NDUFAF6: variants seen among roughly 807,000 people sequenced by gnomAD.
NDUFAF6 encodes NADH:ubiquinone oxidoreductase complex assembly factor 6.
A neutral mutation model predicts 40.8 loss-of-function variants in NDUFAF6; 45 were observed. The ratio of observed to expected loss-of-function variants is 1.10; its 90% CI spans 0.87 to 1.42. The LOEUF (loss-of-function observed/expected upper bound fraction) is 1.42, where lower values mean the gene tolerates loss of function less well. Among genes scored for constraint, NDUFAF6 ranks in the 40% most tolerant of loss-of-function variants. NDUFAF6 has a pLI of 0.00. For synonymous variants in NDUFAF6, 185 were observed against 155.9 expected (o/e 1.19, Z -1.39); for missense variants, 435 against 418.5 (o/e 1.04, Z -0.34).
intron 2 of NDUFAF6, among the ~76,000 whole-genome samples, chr8:95,012,107 AATC>A (rs1220875717): frequency 6.6e-6 from 1 of 152,212 alleles, no homozygotes; most frequent in Non-Finnish European, 1.5e-5. Flanking sequence ...CTGGCCTGAA[AATC>A]ATCAATCTTT....
At chr8:95,043,728 C>T (rs1008410327) in intron 4 of NDUFAF6, among the ~76,000 whole-genome samples, 6 of 152,106 alleles carry the variant, frequency 3.9e-5, no homozygotes, top group East Asian at 3.9e-4. Flanking sequence ...AAAAGATGCA[C>T]GATAACAAGT....
intron 2 of NDUFAF6, among the ~76,000 whole-genome samples, chr8:95,083,930 A>G (rs1199202543): frequency 6.6e-6 from 1 of 152,204 alleles, no homozygotes; most frequent in African/African-American, 2.4e-5. Context: ...ATGTTTTCCC[A>G]TCCAAAATCA....
intron 1 of NDUFAF6, among the ~76,000 whole-genome samples, chr8:94,962,304 A>AT (rs1563751625): frequency 1.3e-5 from 2 of 152,130 alleles, no homozygotes; most frequent in African/African-American, 4.8e-5. Context: ...ACTGCTTTTT[A>AT]TTTTTTGAGA....
intron 2 of NDUFAF6, among the ~76,000 whole-genome samples, chr8:95,008,310 T>G (rs1009423513): frequency 6.6e-6 from 1 of 152,192 alleles, no homozygotes; most frequent in African/African-American, 2.4e-5. Flanking sequence ...CTCTGAATAA[T>G]CCCAGCTTGG....
chr8:95,109,134 G>A (rs1809923735), intron 4 of NDUFAF6, among the ~76,000 whole-genome samples: 1 of 152,060 alleles, frequency 6.6e-6, no homozygotes, highest in Non-Finnish European at 1.5e-5. Flanking sequence ...GCTCTTTCAG[G>A]ATAACAAACA....
chr8:94,900,189 T>C (rs1817924911), intron 1 of NDUFAF6, among the ~76,000 whole-genome samples: 1 of 151,816 alleles, frequency 6.6e-6, no homozygotes, highest in African/African-American at 2.4e-5. Context: ...GGGCTGTCTC[T>C]TTCAGGGCTG....
intron 2 of NDUFAF6, among the ~76,000 whole-genome samples, chr8:95,018,498 G>A (rs931041458): frequency 6.6e-6 from 1 of 151,966 alleles, no homozygotes; most frequent in Admixed American, 6.6e-5. Context: ...TATAAAGCCA[G>A]GGGATAAATA....
chr8:94,977,408 A>G (rs1825052587), intron 1 of NDUFAF6, among the ~76,000 whole-genome samples: 1 of 151,480 alleles, frequency 6.6e-6, no homozygotes, highest in Non-Finnish European at 1.5e-5. Context: ...TAGTACTCAT[A>G]GTACTCAGGT....
intron 1 of NDUFAF6, among the ~76,000 whole-genome samples, chr8:94,971,327 G>A (rs1032594502): frequency 1.3e-5 from 2 of 151,366 alleles, no homozygotes. Flanking sequence ...GTAGCTAATA[G>A]AATTCATAGA....
intron 1 of NDUFAF6, among the ~76,000 whole-genome samples, chr8:94,978,539 G>C (rs1825156219): frequency 1.3e-5 from 2 of 152,000 alleles, no homozygotes; most frequent in South Asian, 4.1e-4. Flanking sequence ...AACACAGTGA[G>C]ACCCCATCTC....
chr8:94,948,413 G>GT (rs542806391), intron 2 of NDUFAF6, among the ~76,000 whole-genome samples: 157 of 152,328 alleles, frequency 1.0e-3, no homozygotes, highest in African/African-American at 3.6e-3. Context: ...CTCAGTAAGC[G>GT]TGAGCGATCC....
intron 7 of NDUFAF6, among the ~76,000 whole-genome samples, chr8:95,049,085 A>C (rs1282649395): frequency 6.6e-6 from 1 of 152,034 alleles, no homozygotes; most frequent in Admixed American, 6.6e-5. Flanking sequence ...GGCCCTTTCC[A>C]CCTTGGCACT....
At chr8:95,107,357 T>C (rs1018935125), downstream of NDUFAF6, among the ~76,000 whole-genome samples, 6 of 152,090 alleles carry the variant, frequency 3.9e-5, no homozygotes, top group Admixed American at 1.3e-4. Flanking sequence ...AAACCATCAT[T>C]CTCAGCAAGC....
chr8:95,053,423 T>A (rs1831671556), intron 8 of NDUFAF6, among the ~76,000 whole-genome samples: 1 of 152,154 alleles, frequency 6.6e-6, no homozygotes, highest in Admixed American at 6.5e-5. Context: ...ACATACTAAG[T>A]AAGCTTCGTA....
At chr8:95,045,418 T>A (rs1281864836) in intron 4 of NDUFAF6, 127 bp from the exon 5 acceptor site, 1 of 685,254 alleles carries the variant, frequency 1.5e-6, no homozygotes, top group East Asian at 2.7e-5. Context: ...TTTATCTTAT[T>A]GTGTACTAAA....
chr8:94,971,927 G>GAA (rs1226774601), intron 1 of NDUFAF6, among the ~76,000 whole-genome samples: 1 of 141,692 alleles, frequency 7.1e-6, no homozygotes, highest in Admixed American at 7.0e-5. Flanking sequence ...AACAAGAGCG[G>GAA]AAAAAAAAAA....
chr8:94,978,856 C>A (rs1396917864), intron 1 of NDUFAF6, among the ~76,000 whole-genome samples: 2 of 152,188 alleles, frequency 1.3e-5, no homozygotes, highest in African/African-American at 4.8e-5. Context: ...TCACTACCTG[C>A]AGTTGGCATC....
At chr8:95,036,239 T>A in intron 3 of NDUFAF6, 1 of 1,186,496 alleles carries the variant, frequency 8.4e-7, no homozygotes, top group Non-Finnish European at 1.1e-6. Flanking sequence ...TATTCTAAAC[T>A]ATGAGAGGAG....
chr8:94,962,402 C>T (rs1298849578), intron 1 of NDUFAF6, among the ~76,000 whole-genome samples: 6 of 152,200 alleles, frequency 3.9e-5, no homozygotes, highest in African/African-American at 1.2e-4. Context: ...AAGCAATTCT[C>T]GTGCCTCAGC....
Sources: allele counts gnomAD v4.1 joint callset (sites outside exome capture counted in the v4.1 genomes callset), GRCh38; gene constraint gnomAD v4.1.1; transcripts MANE v1.5; gene names NCBI Gene and HGNC (gene_info 2026-07-23, HGNC 2026-07-21).